GPM6B: variants seen among roughly 807,000 people sequenced by gnomAD.
GPM6B encodes the protein glycoprotein M6B, also known as neuronal membrane glycoprotein M6-b.
Under a neutral mutation model 27.2 loss-of-function variants are expected in GPM6B, and 4 were observed. That is an observed-to-expected ratio of 0.15 (90% CI 0.07 to 0.34). The LOEUF (loss-of-function observed/expected upper bound fraction) is 0.34. Among genes scored for constraint, GPM6B ranks in the 10% least tolerant of loss-of-function variants. The pLI is 1.00. For synonymous variants in GPM6B, 124 were observed against 103.1 expected, an observed-to-expected ratio of 1.20 and a Z score of -1.23; for missense variants, 183 against 261.9, an observed-to-expected ratio of 0.70 and a Z score of 2.08.
intron 1 of GPM6B, among the ~76,000 whole-genome samples, chrX:13,919,305 C>G (rs1159029344): frequency 1.8e-5 from 2 of 112,340 alleles, no homozygotes. Flanking sequence ...TTCTGGGAAA[C>G]CAAGGTATGC....
chrX:13,830,299 C>T (rs1002411752), intron 1 of GPM6B, among the ~76,000 whole-genome samples: 3 of 112,144 alleles, frequency 2.7e-5, no homozygotes, highest in Non-Finnish European at 5.6e-5. Flanking sequence ...GCTCAACTTG[C>T]TTCAAATGCA....
At position 13,771,553 on chromosome X, in the gene GPM6B, C is replaced by T. The variant is rs1216671356; in HGVS notation, c.*1328G>A. On this transcript the variant is annotated 3_prime_UTR_variant, in exon 8 of 8. Transcript: ENST00000316715. ...CATGTATGTTATAAAATCCAGGAAA[C>T]AGCCAAACCACAAGTTAACTCTTAA... The T allele has an allele frequency of 8.9e-6, 1 of 111,900 alleles. No homozygotes were observed. Among genetic ancestry groups the T allele is most frequent in the Non-Finnish European group, 1.9e-5 (1 of 53,078 alleles). The allele number at this position is 111,900 out of a possible 1,213,427, so 9.2% of individuals were successfully genotyped here.
intron 1 of GPM6B, among the ~76,000 whole-genome samples, chrX:13,869,359 G>T (rs1353366197): frequency 9.9e-5 from 10 of 101,249 alleles, no homozygotes; most frequent in African/African-American, 3.2e-4. Flanking sequence ...GATATAGGTT[G>T]TTTTTTTTTT....
chrX:13,876,614 T>C (rs1433585546), intron 1 of GPM6B, among the ~76,000 whole-genome samples: 1 of 111,506 alleles, frequency 9.0e-6, no homozygotes. Context: ...TCCAGCCAGA[T>C]GGTCAATGGT....
intron 1 of GPM6B, among the ~76,000 whole-genome samples, chrX:13,831,250 A>C (rs2049436626): frequency 9.2e-6 from 1 of 108,277 alleles, no homozygotes; most frequent in Admixed American, 1.0e-4. Context: ...ACCCACATGG[A>C]AACTGGTTTA....
At chrX:13,908,199 C>G (rs1489322464) in intron 1 of GPM6B, among the ~76,000 whole-genome samples, 1 of 77,552 alleles carries the variant, frequency 1.3e-5, no homozygotes, top group East Asian at 7.9e-4. Flanking sequence ...GAACCTGAAA[C>G]TATTCTGAAA....
intron 1 of GPM6B, among the ~76,000 whole-genome samples, chrX:13,930,638 G>A (rs1380923105): frequency 1.8e-5 from 2 of 110,064 alleles, no homozygotes; most frequent in African/African-American, 6.6e-5. Flanking sequence ...AAACGAACAA[G>A]GGAACATCAC....
chrX:13,829,143 A>G (rs778012765), intron 1 of GPM6B, among the ~76,000 whole-genome samples: 24 of 111,677 alleles, frequency 2.1e-4, no homozygotes, highest in African/African-American at 6.8e-4. Flanking sequence ...TATCTCCCCA[A>G]AACCTAGTAA....
intron 1 of GPM6B, among the ~76,000 whole-genome samples, chrX:13,888,260 G>A (rs188966014): frequency 3.6e-5 from 4 of 112,420 alleles, no homozygotes; most frequent in South Asian, 7.4e-4. Context: ...GTATTTAAAA[G>A]GCTTTCAATC....
chrX:13,937,543 G>A (rs1214055442), intron 1 of GPM6B, among the ~76,000 whole-genome samples: 2 of 111,453 alleles, frequency 1.8e-5, no homozygotes, highest in Non-Finnish European at 3.8e-5. Flanking sequence ...CTTGTGGCTG[G>A]AGTCTGTCAC....
intron 2 of GPM6B, among the ~76,000 whole-genome samples, chrX:13,797,248 A>AG (rs1188835189): frequency 9.0e-6 from 1 of 110,830 alleles, no homozygotes; most frequent in Admixed American, 9.6e-5. Flanking sequence ...GGGTGGGGTG[A>AG]GGGGGGCGGT....
chrX:13,871,855 G>T (rs1209680174), intron 1 of GPM6B, among the ~76,000 whole-genome samples: 1 of 111,969 alleles, frequency 8.9e-6, no homozygotes, highest in Non-Finnish European at 1.9e-5. Context: ...CTGGGCTAGA[G>T]AATTAAATGA....
At chrX:13,844,677 G>C (rs1164354283) in intron 1 of GPM6B, among the ~76,000 whole-genome samples, 1 of 111,683 alleles carries the variant, frequency 9.0e-6, no homozygotes, top group Non-Finnish European at 1.9e-5. Flanking sequence ...GATCTGGAAG[G>C]ATCTTCAAAC....
At chrX:13,774,932 T>C (rs1013647190) in intron 7 of GPM6B, among the ~76,000 whole-genome samples, 3 of 112,131 alleles carry the variant, frequency 2.7e-5, no homozygotes, top group African/African-American at 9.7e-5. Flanking sequence ...CTTAATCCTC[T>C]CATCTTTCCA....
At chrX:13,887,469 C>T (rs1165309376) in intron 1 of GPM6B, among the ~76,000 whole-genome samples, 1 of 111,887 alleles carries the variant, frequency 8.9e-6, no homozygotes, top group African/African-American at 3.2e-5. Context: ...GTTTTTACCA[C>T]AGACCAGTCA....
chrX:13,863,117 T>C (rs968738513), intron 1 of GPM6B, among the ~76,000 whole-genome samples: 2 of 112,095 alleles, frequency 1.8e-5, no homozygotes, highest in Non-Finnish European at 3.8e-5. Flanking sequence ...GTAGGCAGAA[T>C]CTTCAGGAAC....
chrX:13,779,028 T>C (rs765572167), intron 5 of GPM6B, among the ~76,000 whole-genome samples: 5 of 111,526 alleles, frequency 4.5e-5, no homozygotes, highest in Non-Finnish European at 7.5e-5. Context: ...ATGAAAGCTA[T>C]TCCCCCCCAC....
intron 1 of GPM6B, among the ~76,000 whole-genome samples, chrX:13,859,703 T>C (rs2049821351): frequency 1.8e-5 from 2 of 111,557 alleles, no homozygotes; most frequent in African/African-American, 6.5e-5. Context: ...TTTATACAGC[T>C]AGGAAGTGGA....
At chrX:13,866,139 G>A (rs1233489160) in intron 1 of GPM6B, among the ~76,000 whole-genome samples, 1 of 111,910 alleles carries the variant, frequency 8.9e-6, no homozygotes, top group Non-Finnish European at 1.9e-5. Flanking sequence ...TGAGGCTGGC[G>A]GATCACCTGA....
Sources: gnomAD v4.1 joint callset for allele counts (sites outside exome capture counted in the v4.1 genomes callset) on GRCh38, gnomAD v4.1.1 for gene constraint, MANE v1.5 for transcripts, NCBI Gene and HGNC (gene_info 2026-07-23, HGNC 2026-07-21) for gene names.